The following FAT3 variants were observed in gnomAD, a reference collection of about 807,000 sequenced individuals.
FAT3 encodes the protein protocadherin Fat 3.
Under a neutral mutation model 310.2 loss-of-function variants are expected in FAT3, and 95 were observed. That is an observed-to-expected ratio of 0.31 (90% CI 0.26 to 0.36). FAT3 has a LOEUF of 0.36. FAT3 is among the 10% of genes least tolerant of loss of function. FAT3 has a pLI of 1.00. For synonymous variants in FAT3, 2,314 were observed against 2,192.9 expected (o/e 1.06, Z -1.54); for missense variants, 5,408 against 5,715.6 (o/e 0.95, Z 1.74).
intron 3 of FAT3, among the ~76,000 whole-genome samples, chr11:92,651,409 G>T (rs1383617647): frequency 6.6e-6 from 1 of 152,188 alleles, no homozygotes; most frequent in African/African-American, 2.4e-5. Flanking sequence ...TCAGGAATAG[G>T]CACAGTATGG....
intron 4 of FAT3, among the ~76,000 whole-genome samples, chr11:92,705,464 G>GTGGTGGTGTGGTGA (rs1944262717): frequency 1.1e-5 from 1 of 87,736 alleles, no homozygotes; most frequent in Non-Finnish European, 2.4e-5. Flanking sequence ...TGGTGTGATG[G>GTGGTGGTGTGGTGA]TGGTGGTGGT....
At chr11:92,880,635 G>C (rs1019757017) in intron 22 of FAT3, 96 bp from the exon 23 acceptor site, 33 of 1,404,924 alleles carry the variant, frequency 2.3e-5, no homozygotes, top group East Asian at 2.4e-5. Context: ...CTATTATACG[G>C]TTCAACAAAG....
chr11:92,405,276 A>G (rs754176429), intron 2 of FAT3, among the ~76,000 whole-genome samples: 12 of 152,112 alleles, frequency 7.9e-5, no homozygotes, highest in Non-Finnish European at 1.8e-4. Context: ...GGTGCTCTAG[A>G]GGATCACAGG....
At chr11:92,708,039 C>A (rs144032893) in intron 4 of FAT3, among the ~76,000 whole-genome samples, 1 of 152,308 alleles carries the variant, frequency 6.6e-6, no homozygotes, top group Non-Finnish European at 1.5e-5. Flanking sequence ...AAATTGGGAG[C>A]TACCAACCTC....
chr11:92,294,542 G>A (rs1188851140), intron 1 of FAT3, among the ~76,000 whole-genome samples: 1 of 152,036 alleles, frequency 6.6e-6, no homozygotes, highest in Non-Finnish European at 1.5e-5. Flanking sequence ...GTATCCATTG[G>A]GAAGTGATTT....
chr11:92,406,952 C>G (rs1950148836), intron 2 of FAT3, among the ~76,000 whole-genome samples: 2 of 152,176 alleles, frequency 1.3e-5, no homozygotes, highest in African/African-American at 4.8e-5. Flanking sequence ...TATCATGATA[C>G]TGTCAAGTCA....
chr11:92,459,960 CA>C (rs996194633), intron 2 of FAT3, among the ~76,000 whole-genome samples: 2,402 of 145,326 alleles, frequency 0.017, 74 homozygotes, highest in African/African-American at 0.055. Context: ...GTGTATGGCA[CA>C]AAAAAAAAAT....
Position 92,479,295 on chromosome 11 carries a change from G to A in FAT3, c.3293-45339G>A, listed in dbSNP as rs190432656. On this transcript the variant is annotated intron_variant, in intron 2 of 27. Transcript: ENST00000525166. ...CAAAGTGCTGGGATTACAGGTATGA[G>A]CCACTGCACCCAGACTTAAACATTT... is the stretch of plus-strand genomic sequence containing the variant. Among the ~76,000 whole-genome samples the A allele has an allele frequency of 4.5e-3, 687 of 151,778 alleles. 3 individuals carry two copies. The highest frequency in any genetic ancestry group is 0.014 in the Middle Eastern group (4 of 294).
intron 3 of FAT3, among the ~76,000 whole-genome samples, chr11:92,663,444 G>A (rs557367247): frequency 6.6e-6 from 1 of 152,196 alleles, no homozygotes; most frequent in East Asian, 1.9e-4. Flanking sequence ...GTTGCTGATG[G>A]ACTGAAAAAT....
At chr11:92,281,272 A>G (rs1305348546) in intron 1 of FAT3, among the ~76,000 whole-genome samples, 1 of 152,180 alleles carries the variant, frequency 6.6e-6, no homozygotes, top group Non-Finnish European at 1.5e-5. Context: ...CTGGAAGGAA[A>G]TATCTTCAAA....
intron 3 of FAT3, among the ~76,000 whole-genome samples, chr11:92,541,670 A>G (rs11019987): frequency 0.15 from 22,858 of 152,068 alleles, 1,903 homozygotes; most frequent in East Asian, 0.29. Context: ...TTAAACATTA[A>G]CTGAAATGGT....
intron 3 of FAT3, among the ~76,000 whole-genome samples, chr11:92,567,028 T>C (rs1249144827): frequency 6.6e-6 from 1 of 152,038 alleles, no homozygotes; most frequent in Non-Finnish European, 1.5e-5. Flanking sequence ...AAAGCCAAAA[T>C]TGACAAATGG....
At chr11:92,599,816 C>T (rs947591536) in intron 3 of FAT3, among the ~76,000 whole-genome samples, 7 of 152,158 alleles carry the variant, frequency 4.6e-5, no homozygotes, top group African/African-American at 1.4e-4. Context: ...AAAATGTACA[C>T]CTTTTAGGAG....
rs377546220 is a variant in FAT3 at position 92,800,597 on chromosome 11, T to C, written c.7584T>C (p.Tyr2528=). ...VRATDGDPGT[Y]GQISYAIIND... is the part of the protein sequence containing the mutation. ...CCACAGATGGTGATCCAGGGACTTATGGGCAGATCAGCTATGCCATCATCA... is the reference window on the plus strand; with the variant it reads ...CCACAGATGGTGATCCAGGGACTTACGGGCAGATCAGCTATGCCATCATCA... Residue 2528 remains tyrosine, a synonymous_variant, in exon 10 of 28, where the codon TAT becomes TAC. Coordinates refer to ENST00000525166, the MANE Select transcript of FAT3 (RefSeq NM_001367949.2). 1.1e-5 allele frequency: 17 copies of C among 1,613,678 alleles called. No homozygotes were observed. The African/African-American group carries it at 1.2e-4, about 11-fold the overall frequency.
At chr11:92,470,163 G>A (rs1338864025) in intron 2 of FAT3, among the ~76,000 whole-genome samples, 1 of 152,164 alleles carries the variant, frequency 6.6e-6, no homozygotes, top group Non-Finnish European at 1.5e-5. Flanking sequence ...GCAGAACCCA[G>A]ACCTCTCTTA....
intron 22 of FAT3, among the ~76,000 whole-genome samples, chr11:92,870,199 C>T (rs1949352338): frequency 6.6e-6 from 1 of 152,174 alleles, no homozygotes; most frequent in Admixed American, 6.5e-5. Flanking sequence ...CAACACACAA[C>T]AAGAAGCATT....
intron 3 of FAT3, among the ~76,000 whole-genome samples, chr11:92,676,978 T>G (rs1943306790): frequency 6.6e-6 from 1 of 152,176 alleles, no homozygotes; most frequent in Non-Finnish European, 1.5e-5. Flanking sequence ...CAGGTTGAGT[T>G]GGGACTTTAG....
At chr11:92,876,239 T>TA (rs548277452) in intron 22 of FAT3, among the ~76,000 whole-genome samples, 273 of 152,310 alleles carry the variant, frequency 1.8e-3, no homozygotes, top group Non-Finnish European at 1.4e-3. Flanking sequence ...GATTATATTC[T>TA]AAAAAAGAAT....
At chr11:92,431,387 G>A (rs1218541544) in intron 2 of FAT3, among the ~76,000 whole-genome samples, 1 of 152,062 alleles carries the variant, frequency 6.6e-6, no homozygotes, top group East Asian at 1.9e-4. Flanking sequence ...ATTTGTTTGA[G>A]TTCATTGTAG....
Sources: gnomAD v4.1 joint callset for allele counts (sites outside exome capture counted in the v4.1 genomes callset) on GRCh38, gnomAD v4.1.1 for gene constraint, MANE v1.5 for transcripts, NCBI Gene and HGNC (gene_info 2026-07-23, HGNC 2026-07-21) for gene names.